The following PUDP variants were observed in gnomAD, a reference collection of about 807,000 sequenced individuals.
PUDP encodes pseudouridine 5'-phosphatase, also known as pseudouridine-5'-phosphatase.
A neutral mutation model predicts 9.4 loss-of-function variants in PUDP; 8 were observed. That is an observed-to-expected ratio of 0.85 (90% CI 0.50 to 1.53). PUDP has a LOEUF of 1.53. PUDP is among the 40% of genes most tolerant of loss of function. The pLI, the probability that PUDP is intolerant of heterozygous loss-of-function variation, is 0.00. For synonymous variants in PUDP, 99 were observed against 80.7 expected (o/e 1.23, Z -1.22); for missense variants, 188 against 189.7 (o/e 0.99, Z 0.05).
rs770916135 is a variant in PUDP at position 6,855,766 on chromosome X, G to T, written c.*247+121367C>A. Among the ~76,000 whole-genome samples the T allele has an allele frequency of 4.5e-5, 5 of 111,708 alleles. No individual in the cohort carries two copies. The South Asian group carries it at 1.9e-3, about 43-fold the overall frequency. On this transcript the variant is annotated intron_variant and NMD_transcript_variant, in intron 3 of 3. Transcript: ENST00000655425. ...GCTTCAACCAGTGTCTTACCGCCAAGGTTTCCTGATTTGCATATCTTGAGT... is the reference window on the plus strand; with the variant it reads ...GCTTCAACCAGTGTCTTACCGCCAATGTTTCCTGATTTGCATATCTTGAGT...
intron 1 of PUDP, among the ~76,000 whole-genome samples, chrX:7,011,013 G>A (rs1262813264): frequency 4.5e-5 from 5 of 112,254 alleles, no homozygotes; most frequent in Non-Finnish European, 7.5e-5. Flanking sequence ...TTTCAACCCA[G>A]GTTCTAAAGG....
chrX:6,844,851 T>C (rs1926721675), intron 3 of PUDP, among the ~76,000 whole-genome samples: 1 of 112,026 alleles, frequency 8.9e-6, no homozygotes, highest in Non-Finnish European at 1.9e-5. Context: ...GAGGCCAAAT[T>C]CCTCAGATCA....
At chrX:7,142,169 G>C (rs1365240616) in intron 1 of PUDP, among the ~76,000 whole-genome samples, 3 of 111,980 alleles carry the variant, frequency 2.7e-5, no homozygotes, top group Non-Finnish European at 5.6e-5. Flanking sequence ...TAAGGTTATA[G>C]ATGCCATAGA....
At chrX:7,102,754 T>C (rs1305665103) in intron 2 of PUDP, among the ~76,000 whole-genome samples, 2 of 109,688 alleles carry the variant, frequency 1.8e-5, no homozygotes, top group Non-Finnish European at 3.8e-5. Context: ...AGTTGTAGAA[T>C]ACACATCAAA....
intron 3 of PUDP, among the ~76,000 whole-genome samples, chrX:6,776,772 A>G (rs1470925386): frequency 8.9e-6 from 1 of 112,335 alleles, no homozygotes; most frequent in African/African-American, 3.2e-5. Context: ...TTTAACATCT[A>G]CTTGTAATCT....
intron 3 of PUDP, among the ~76,000 whole-genome samples, chrX:6,850,616 C>T (rs1272122282): frequency 8.9e-6 from 1 of 112,406 alleles, no homozygotes; most frequent in Non-Finnish European, 1.9e-5. Flanking sequence ...TAGAAATTTA[C>T]CTTATAAACA....
intron 3 of PUDP, among the ~76,000 whole-genome samples, chrX:6,782,775 T>C (rs372136371): frequency 3.4e-4 from 38 of 111,487 alleles, no homozygotes; most frequent in East Asian, 3.4e-3. Context: ...CTTTAATTAA[T>C]ATATTTTCTC....
chrX:6,902,665 CT>C (rs1409054485), intron 3 of PUDP, among the ~76,000 whole-genome samples: 5 of 111,647 alleles, frequency 4.5e-5, no homozygotes, highest in African/African-American at 1.6e-4. Context: ...GTCTATGTGA[CT>C]TGCTTGGGAT....
chrX:6,908,682 T>C (rs759148779), intron 3 of PUDP, among the ~76,000 whole-genome samples: 2 of 110,372 alleles, frequency 1.8e-5, no homozygotes, highest in Admixed American at 9.6e-5. Flanking sequence ...ATAAAATTGG[T>C]TGGACACCTG....
chrX:7,083,887 T>TCAA (rs200869115), intron 2 of PUDP, among the ~76,000 whole-genome samples: 4 of 101,743 alleles, frequency 3.9e-5, no homozygotes, highest in Admixed American at 1.1e-4. Flanking sequence ...AAAGACTGTC[T>TCAA]CAACAACAAC....
At chrX:6,780,124 ATGTATATATACATAT>A (rs920870972) in intron 3 of PUDP, among the ~76,000 whole-genome samples, 2 of 109,957 alleles carry the variant, frequency 1.8e-5, no homozygotes, top group East Asian at 2.8e-4. Flanking sequence ...TTGTGTATAT[ATGTATATATACATAT>A]TGTATATATA....
At chrX:6,716,744 T>C (rs1924605431) in intron 1 of PUDP, among the ~76,000 whole-genome samples, 1 of 110,945 alleles carries the variant, frequency 9.0e-6, no homozygotes, top group Non-Finnish European at 1.9e-5. Flanking sequence ...GTGACCCCTG[T>C]GCCTCAGCCT....
chrX:7,055,624 C>A (rs147767265), intron 3 of PUDP, among the ~76,000 whole-genome samples: 1 of 110,994 alleles, frequency 9.0e-6, no homozygotes, highest in African/African-American at 3.3e-5. Flanking sequence ...TAAATAGGAC[C>A]ACACCTACAA....
At chrX:7,071,019 G>A (rs1413940230) in intron 3 of PUDP, among the ~76,000 whole-genome samples, 2 of 112,324 alleles carry the variant, frequency 1.8e-5, no homozygotes, top group African/African-American at 6.5e-5. Flanking sequence ...TGGGACATAT[G>A]CAATGTACGA....
intron 3 of PUDP, among the ~76,000 whole-genome samples, chrX:6,933,884 G>A (rs902692918): frequency 5.4e-5 from 6 of 110,881 alleles, no homozygotes; most frequent in African/African-American, 2.0e-4. Flanking sequence ...GGGTATCAGT[G>A]ATGGAAGATG....
intron 3 of PUDP, among the ~76,000 whole-genome samples, chrX:6,778,428 C>G (rs1008134536): frequency 7.1e-5 from 8 of 112,650 alleles, no homozygotes; most frequent in African/African-American, 2.6e-4. Flanking sequence ...CCAAGGCCAG[C>G]CACCCTGAGC....
intron 1 of PUDP, among the ~76,000 whole-genome samples, chrX:6,997,164 T>C (rs1387620727): frequency 8.9e-6 from 1 of 112,470 alleles, no homozygotes; most frequent in Non-Finnish European, 1.9e-5. Context: ...ATTCTATATA[T>C]TCTATAGAAT....
intron 1 of PUDP, among the ~76,000 whole-genome samples, chrX:7,016,050 A>G (rs1929543372): frequency 9.1e-6 from 1 of 109,765 alleles, no homozygotes. Flanking sequence ...GGACTCAGAA[A>G]CAGGAGGGCA....
chrX:6,811,640 A>G (rs894655239), intron 3 of PUDP, among the ~76,000 whole-genome samples: 1 of 100,799 alleles, frequency 9.9e-6, no homozygotes, highest in Non-Finnish European at 2.0e-5. Context: ...TTTTTTAATT[A>G]TTTTTTTCTT....
Sources: gnomAD v4.1 joint callset for allele counts (sites outside exome capture counted in the v4.1 genomes callset) on GRCh38, gnomAD v4.1.1 for gene constraint, MANE v1.5 for transcripts, NCBI Gene and HGNC (gene_info 2026-07-23, HGNC 2026-07-21) for gene names.